TUBA1C: variants seen among roughly 807,000 people sequenced by gnomAD.
TUBA1C encodes tubulin alpha 1c, also known as tubulin alpha-1C chain.
In TUBA1C, 16 loss-of-function variants were observed where a neutral mutation model predicts 34.9. The observed-to-expected ratio is 0.46, with a 90% CI of 0.31 to 0.70. The LOEUF is 0.70. Ranked by LOEUF, TUBA1C falls within the 30% of genes least tolerant of loss-of-function variation. The pLI is 0.05. For missense variants in TUBA1C, 329 were observed against 587.3 expected (o/e 0.56, Z 4.55); for synonymous variants, 177 against 215.9 (o/e 0.82, Z 1.58).
At chr12:49,239,191 T>G (rs2136991685) in intron 1 of TUBA1C, among the ~76,000 whole-genome samples, 1 of 152,246 alleles carries the variant, frequency 6.6e-6, no homozygotes, top group Non-Finnish European at 1.5e-5. Context: ...TTACTCAAGC[T>G]TTTCCTGAGC....
At chr12:49,252,046 A>G (rs150049478) in intron 1 of TUBA1C, among the ~76,000 whole-genome samples, 1 of 152,312 alleles carries the variant, frequency 6.6e-6, no homozygotes, top group African/African-American at 2.4e-5. Flanking sequence ...TGAGTCTGTC[A>G]GCTGGTGAAT....
chr12:49,263,063 A>T (rs763750312), upstream of TUBA1C, among the ~76,000 whole-genome samples: 1 of 133,874 alleles, frequency 7.5e-6, no homozygotes, highest in East Asian at 2.3e-4. Flanking sequence ...AGTCTCTGTC[A>T]CTCAGGCTGG....
intron 1 of TUBA1C, among the ~76,000 whole-genome samples, chr12:49,269,051 C>T (rs1255991036): frequency 6.6e-6 from 1 of 152,104 alleles, no homozygotes; most frequent in Non-Finnish European, 1.5e-5. Flanking sequence ...CAGGAGTGGC[C>T]TGCTGAAAGA....
intron 1 of TUBA1C, among the ~76,000 whole-genome samples, chr12:49,235,580 CAA>C (rs1290092428): frequency 1.3e-5 from 2 of 151,944 alleles, no homozygotes. Context: ...ACTAAAAATA[CAA>C]AGAGTAGCTG....
chr12:49,238,770 A>G (rs891347880), intron 1 of TUBA1C, among the ~76,000 whole-genome samples: 2 of 152,030 alleles, frequency 1.3e-5, no homozygotes, highest in African/African-American at 2.4e-5. Flanking sequence ...ACACCTGGCT[A>G]CAAAGGATAT....
chr12:49,227,998 G>A, exon 1 of TUBA1C: 1 of 1,535,720 alleles, frequency 6.5e-7, no homozygotes, highest in East Asian at 2.4e-5. Flanking sequence ...GGAGGGATGA[G>A]TGCTTTGTGT....
intron 1 of TUBA1C, among the ~76,000 whole-genome samples, chr12:49,251,035 G>A (rs947842534): frequency 6.6e-6 from 1 of 152,010 alleles, no homozygotes; most frequent in Middle Eastern, 3.4e-3. Context: ...GGTGAAACCC[G>A]TCTCAACCAA....
intron 1 of TUBA1C, among the ~76,000 whole-genome samples, chr12:49,255,651 C>G (rs1011011866): frequency 7.2e-5 from 11 of 152,056 alleles, no homozygotes; most frequent in African/African-American, 2.7e-4. Context: ...CTCCACCTCC[C>G]AGGTTCAAGC....
At chr12:49,265,972 AC>A (rs200653150) in intron 1 of TUBA1C, among the ~76,000 whole-genome samples, 2,508 of 136,378 alleles carry the variant, frequency 0.018, 173 homozygotes, top group African/African-American at 0.059. Flanking sequence ...AAAAAAAAAA[AC>A]AAAAAAAAAC....
At chr12:49,228,244 A>G in intron 1 of TUBA1C, 1 of 1,333,512 alleles carries the variant, frequency 7.5e-7, no homozygotes, top group Non-Finnish European at 1.0e-6. Flanking sequence ...CATGCAACTG[A>G]TATTTGTGAA....
chr12:49,272,738 T>A lies in TUBA1C; in HGVS notation c.861T>A (p.Thr287=). 6.2e-7 allele frequency: 1 copy of A among 1,613,472 alleles called. No individual in the cohort carries two copies. Among genetic ancestry groups the A allele is most frequent in the Non-Finnish European group, 8.5e-7 (1 of 1,179,986 alleles). Reference sequence around the variant, plus strand: ...AGAAAGCCTACCACGAACAGCTTACTGTAGCAGAGATCACCAATGCTTGCT... The same window carrying A: ...AGAAAGCCTACCACGAACAGCTTACAGTAGCAGAGATCACCAATGCTTGCT... ...SAEKAYHEQL[T]VAEITNACFE... The change falls in exon 4 of 4, where the codon ACT becomes ACA. Residue 287 remains threonine, a synonymous_variant. Coordinates refer to ENST00000301072, the MANE Select transcript of TUBA1C (RefSeq NM_032704.5).
Position 49,273,088 on chromosome 12 carries a change from T to C in TUBA1C, c.1211T>C (p.Phe404Ser). The part of the protein sequence containing the change: ...KFDLMYAKRA[F>S]VHWYVGEGME... Reference sequence around the variant, plus strand: ...GACCTGATGTATGCCAAGCGTGCCTTTGTTCACTGGTACGTGGGTGAGGGG... The same window carrying C: ...GACCTGATGTATGCCAAGCGTGCCTCTGTTCACTGGTACGTGGGTGAGGGG... The change falls in exon 4 of 4, where the codon TTT becomes TCT. Residue 404 changes from phenylalanine to serine, a missense_variant. Around this residue, in one of 4 missense-constraint regions of TUBA1C, gnomAD observed 140 missense variants for 289.8 expected, o/e 0.48. Coordinates refer to ENST00000301072, the MANE Select transcript of TUBA1C (RefSeq NM_032704.5). The C allele has an allele frequency of 6.2e-7, 1 of 1,614,136 alleles. No individual in the cohort carries two copies. The highest frequency in any genetic ancestry group is 8.5e-7 in the Non-Finnish European group (1 of 1,180,020).
intron 1 of TUBA1C, among the ~76,000 whole-genome samples, chr12:49,242,570 C>A (rs1308343692): frequency 6.6e-6 from 1 of 151,498 alleles, no homozygotes; most frequent in Non-Finnish European, 1.5e-5. Flanking sequence ...CAGGTTCAAG[C>A]AATCCTCCCA....
upstream of TUBA1C, among the ~76,000 whole-genome samples, chr12:49,261,375 T>C (rs553247586): frequency 1.3e-5 from 2 of 152,356 alleles, no homozygotes; most frequent in East Asian, 3.9e-4. Flanking sequence ...AAATGACTTT[T>C]CTAGGACTTC....
chr12:49,255,711 G>A (rs564631844), intron 1 of TUBA1C, among the ~76,000 whole-genome samples: 12 of 152,090 alleles, frequency 7.9e-5, no homozygotes, highest in South Asian at 4.2e-4. Context: ...GATTACAGGC[G>A]TCTGCCACCA....
Position 49,269,672 on chromosome 12 carries a change from G to A in TUBA1C, c.211G>A (p.Glu71Lys). 6.2e-7 allele frequency: 1 copy of A among 1,614,170 alleles called. No individual in the cohort carries two copies. The highest frequency in any genetic ancestry group is 8.5e-7 in the Non-Finnish European group (1 of 1,180,020). The change falls in exon 2 of 4, where the codon GAA (glutamate) becomes AAA (lysine). Residue 71 changes from glutamate (E) to lysine (K), a missense_variant. Glu to Lys is a moderately conservative substitution (Grantham distance 56). This residue lies in a region of TUBA1C where 152 missense variants were observed against 240.3 expected (regional missense o/e 0.63). Transcript: ENST00000301072. Reference protein sequence around the residue: ...HVPRAVFVDLEPTVIDEVRTG... With the variant: ...HVPRAVFVDLKPTVIDEVRTG... ...GCCCCGGGCAGTGTTTGTAGACTTG[G>A]AACCCACAGTCATTGGTGAGTTGAC... is the stretch of plus-strand genomic sequence containing the variant.
chr12:49,260,442 T>A (rs983262300), upstream of TUBA1C, among the ~76,000 whole-genome samples: 1 of 152,170 alleles, frequency 6.6e-6, no homozygotes, highest in Non-Finnish European at 1.5e-5. Flanking sequence ...CAATCTTCTA[T>A]GGTAATCTCC....
intron 1 of TUBA1C, among the ~76,000 whole-genome samples, chr12:49,240,296 G>GAA (rs201018194): frequency 9.3e-4 from 76 of 81,968 alleles, no homozygotes; most frequent in South Asian, 3.6e-3. Context: ...ACCATTCTCT[G>GAA]AAAAAAAAAA....
At chr12:49,252,901 G>A (rs182643191) in intron 1 of TUBA1C, among the ~76,000 whole-genome samples, 1 of 151,428 alleles carries the variant, frequency 6.6e-6, no homozygotes, top group East Asian at 1.9e-4. Flanking sequence ...GCAACAAGAG[G>A]GAGACTCCAT....
Sources: gnomAD v4.1 joint callset for allele counts (sites outside exome capture counted in the v4.1 genomes callset) on GRCh38, gnomAD v4.1.1 for gene constraint, gnomAD v4.1.1 regional missense constraint, MANE v1.5 for transcripts, NCBI Gene and HGNC (gene_info 2026-07-23, HGNC 2026-07-21) for gene names.